TNKS: variants seen among roughly 807,000 people sequenced by gnomAD.
TNKS encodes poly [ADP-ribose] polymerase tankyrase-1.
In TNKS, 72 loss-of-function variants were observed where a neutral mutation model predicts 135.8. That is an observed-to-expected ratio of 0.53 (90% confidence interval 0.44 to 0.64). The LOEUF is 0.64. Ranked by LOEUF, TNKS falls within the 30% of genes least tolerant of loss-of-function variation. The pLI is 0.00. For synonymous variants in TNKS, 849 were observed against 649.3 expected (o/e 1.31, Z -4.68); for missense variants, 1,769 against 1,674.0 (o/e 1.06, Z -0.99).
chr8:9,766,478 A>ATT, intron 25 of TNKS, 53 bp downstream of exon 25: 4 of 1,175,416 alleles, frequency 3.4e-6, no homozygotes, highest in Non-Finnish European at 4.6e-6. Context: ...CACGAACCAA[A>ATT]TTGTCTTTTT....
At chr8:9,618,961 T>A (rs1486211194) in intron 3 of TNKS, among the ~76,000 whole-genome samples, 1 of 152,226 alleles carries the variant, frequency 6.6e-6, no homozygotes, top group Admixed American at 6.5e-5. Flanking sequence ...TTCTACAACC[T>A]GAGTTTATAA....
At chr8:9,562,429 C>G (rs1226808375) in intron 1 of TNKS, among the ~76,000 whole-genome samples, 2 of 152,154 alleles carry the variant, frequency 1.3e-5, no homozygotes, top group Non-Finnish European at 2.9e-5. Context: ...AGTTCTCATA[C>G]ATATCCTATG....
chr8:9,568,638 G>A (rs916156599), intron 1 of TNKS, among the ~76,000 whole-genome samples: 7 of 152,172 alleles, frequency 4.6e-5, no homozygotes, highest in African/African-American at 1.4e-4. Flanking sequence ...TCACTTTAAT[G>A]TCTGGCTTAA....
chr8:9,633,489 C>T (rs568754431), intron 3 of TNKS, among the ~76,000 whole-genome samples: 22 of 152,196 alleles, frequency 1.4e-4, no homozygotes, highest in Non-Finnish European at 2.5e-4. Flanking sequence ...TCCTTTTTGT[C>T]AGAAACAATA....
At chr8:9,601,972 C>T (rs796734346) in intron 2 of TNKS, among the ~76,000 whole-genome samples, 16 of 152,046 alleles carry the variant, frequency 1.1e-4, no homozygotes, top group African/African-American at 3.9e-4. Flanking sequence ...GAGGTGGGGA[C>T]GGGTCCATAG....
intron 11 of TNKS, among the ~76,000 whole-genome samples, chr8:9,714,247 C>CT (rs778688333): frequency 6.6e-6 from 1 of 152,008 alleles, no homozygotes; most frequent in Non-Finnish European, 1.5e-5. Flanking sequence ...GAATCCTCCA[C>CT]TTTCTAGTTT....
rs983648920 is a variant in TNKS at position 9,634,156 on chromosome 8, T to G, written c.994+18479T>G. Among the ~76,000 whole-genome samples the G allele has an allele frequency of 2.0e-5, 3 of 150,814 alleles. No individual in the cohort carries two copies. The South Asian group carries it at 6.3e-4, about 31-fold the overall frequency. Reference sequence around the variant, plus strand: ...CACAAGAAGGATAAACCAGAAAACATTGAAATTGATTACCTATAAGAACGT... The same window carrying G: ...CACAAGAAGGATAAACCAGAAAACAGTGAAATTGATTACCTATAAGAACGT... On this transcript the variant is annotated intron_variant, in intron 3 of 26. Transcript: ENST00000310430.
intron 11 of TNKS, among the ~76,000 whole-genome samples, chr8:9,719,710 A>G (rs1804781229): frequency 6.6e-6 from 1 of 152,200 alleles, no homozygotes; most frequent in African/African-American, 2.4e-5. Context: ...CTGCTGGAAG[A>G]TAAGATGAGT....
At chr8:9,706,345 T>C in intron 7 of TNKS, 92 bp downstream of exon 7, 1 of 1,032,164 alleles carries the variant, frequency 9.7e-7, no homozygotes, top group Non-Finnish European at 1.4e-6. Context: ...TCATGAAAGT[T>C]TGTTTAGTTC....
At chr8:9,771,226 GGAGA>G (rs1236132292) in intron 26 of TNKS, among the ~76,000 whole-genome samples, 6 of 143,640 alleles carry the variant, frequency 4.2e-5, no homozygotes, top group South Asian at 2.3e-4. Flanking sequence ...AGGAAGGGAG[GGAGA>G]GAGCGAGGAA....
chr8:9,728,677 A>T (rs541719019), intron 13 of TNKS, among the ~76,000 whole-genome samples: 23 of 152,198 alleles, frequency 1.5e-4, no homozygotes, highest in Non-Finnish European at 2.8e-4. Context: ...TTTTTTATTT[A>T]ATTTGATTTG....
intron 1 of TNKS, among the ~76,000 whole-genome samples, chr8:9,564,374 T>TA (rs201861876): frequency 0.021 from 3,149 of 148,428 alleles, 45 homozygotes; most frequent in East Asian, 0.042. Context: ...ATAAATATGT[T>TA]AAAAAAAAAA....
chr8:9,645,256 G>A (rs1800878602), intron 3 of TNKS, among the ~76,000 whole-genome samples: 2 of 152,230 alleles, frequency 1.3e-5, no homozygotes, highest in Non-Finnish European at 2.9e-5. Context: ...CCCAAGATCA[G>A]GGAGAAGACA....
intron 7 of TNKS, 74 bp downstream of exon 7, chr8:9,706,327 T>C (rs1436177846): frequency 1.7e-6 from 2 of 1,190,890 alleles, no homozygotes; most frequent in Non-Finnish European, 2.3e-6. Flanking sequence ...CTTTCCATAC[T>C]TTCGGCCTCA....
chr8:9,735,252 T>C (rs1009732484), intron 16 of TNKS, 125 bp from the exon 17 acceptor site: 1 of 1,079,472 alleles, frequency 9.3e-7, no homozygotes, highest in Non-Finnish European at 1.3e-6. Context: ...CATTATGTGA[T>C]AACAGTATTA....
At chr8:9,650,331 A>G (rs1393979573) in intron 3 of TNKS, among the ~76,000 whole-genome samples, 2 of 152,150 alleles carry the variant, frequency 1.3e-5, no homozygotes, top group South Asian at 2.1e-4. Context: ...CTCTGGGTAG[A>G]TACCCAGTAA....
chr8:9,736,541 C>T lies in TNKS; in HGVS notation c.2643+1055C>T, dbSNP rs538546900. Among the ~76,000 whole-genome samples the T allele has an allele frequency of 1.4e-4, 20 of 147,666 alleles. No individual in the cohort carries two copies. In the East Asian group the frequency reaches 3.0e-3, roughly 22 times the overall value. ...AGGGTTTTTATGGTTTTAGGTTTAA[C>T]GTTTAAATCTTTAATCCATCTTGAA... On this transcript the variant is annotated intron_variant, in intron 17 of 26. Coordinates refer to ENST00000310430, the MANE Select transcript of TNKS (RefSeq NM_003747.3).
At chr8:9,608,088 G>A (rs763225281) in intron 2 of TNKS, among the ~76,000 whole-genome samples, 1 of 152,032 alleles carries the variant, frequency 6.6e-6, no homozygotes, top group Non-Finnish European at 1.5e-5. Context: ...CCACAGGTGC[G>A]TGCCATCACG....
chr8:9,610,840 A>T (rs1268675182), intron 2 of TNKS, among the ~76,000 whole-genome samples: 1 of 152,244 alleles, frequency 6.6e-6, no homozygotes, highest in African/African-American at 2.4e-5. Flanking sequence ...GCAGTTAAAC[A>T]CAATTTATTA....
Sources: gnomAD v4.1 joint callset for allele counts (sites outside exome capture counted in the v4.1 genomes callset) on GRCh38, gnomAD v4.1.1 for gene constraint, MANE v1.5 for transcripts, NCBI Gene and HGNC (gene_info 2026-07-23, HGNC 2026-07-21) for gene names.